DNAJC1: variants seen among roughly 807,000 people sequenced by gnomAD.
The protein encoded by DNAJC1 is DnaJ heat shock protein family (Hsp40) member C1, also known as dnaJ homolog subfamily C member 1.
Under a neutral mutation model 76.6 loss-of-function variants are expected in DNAJC1, and 58 were observed. That is an observed-to-expected ratio of 0.76 (90% CI 0.61 to 0.94). The LOEUF is 0.94. DNAJC1 is among the 40% of genes least tolerant of loss of function. DNAJC1 has a pLI of 0.00. For synonymous variants in DNAJC1, 258 were observed against 267.9 expected (o/e 0.96, Z 0.36); for missense variants, 689 against 677.3 (o/e 1.02, Z -0.19).
chr10:21,983,214 T>C (rs968105799), intron 1 of DNAJC1, among the ~76,000 whole-genome samples: 2 of 151,962 alleles, frequency 1.3e-5, no homozygotes, highest in African/African-American at 4.8e-5. Context: ...AACCTAAATG[T>C]CCAAAAATAG....
intron 8 of DNAJC1, among the ~76,000 whole-genome samples, chr10:21,857,850 G>A (rs929861109): frequency 4.6e-5 from 7 of 151,162 alleles, no homozygotes; most frequent in East Asian, 1.9e-4. Flanking sequence ...GCAAGGCTCC[G>A]TCTCAAAAAA....
At chr10:21,782,104 A>T (rs866360070) in intron 9 of DNAJC1, among the ~76,000 whole-genome samples, 1 of 152,154 alleles carries the variant, frequency 6.6e-6, no homozygotes, top group Non-Finnish European at 1.5e-5. Flanking sequence ...ATGAATCCAG[A>T]AGCTGGTTTT....
chr10:21,949,457 C>A (rs1355016268), intron 1 of DNAJC1, among the ~76,000 whole-genome samples: 1 of 126,662 alleles, frequency 7.9e-6, no homozygotes, highest in African/African-American at 3.0e-5. Context: ...CGCTTTGTTG[C>A]CCAGGCTAGA....
At chr10:21,780,059 G>C (rs992058210) in intron 9 of DNAJC1, among the ~76,000 whole-genome samples, 8 of 152,170 alleles carry the variant, frequency 5.3e-5, no homozygotes, top group Non-Finnish European at 1.5e-5. Flanking sequence ...AGAGTAAAAA[G>C]AAATGAACAA....
intron 8 of DNAJC1, among the ~76,000 whole-genome samples, chr10:21,862,533 A>T (rs1363726812): frequency 6.6e-6 from 1 of 151,138 alleles, no homozygotes; most frequent in Admixed American, 6.6e-5. Context: ...AGTTCAAGCA[A>T]TTCTCCTGCC....
At chr10:21,899,118 A>G (rs998780709) in intron 7 of DNAJC1, among the ~76,000 whole-genome samples, 1 of 152,190 alleles carries the variant, frequency 6.6e-6, no homozygotes, top group East Asian at 1.9e-4. Flanking sequence ...CTTCTCTCAC[A>G]TATCTATGCA....
chr10:21,991,739 A>G, intron 1 of DNAJC1, among the ~76,000 whole-genome samples: 1 of 152,244 alleles, frequency 6.6e-6, no homozygotes, highest in East Asian at 1.9e-4. Context: ...ATATTTAAGC[A>G]CTTAAAATGT....
At chr10:21,891,476 C>CAAAAAAAAAAAAAAAAAAAAAAAAA (rs369729722) in intron 7 of DNAJC1, among the ~76,000 whole-genome samples, 12 of 38,818 alleles carry the variant, frequency 3.1e-4, no homozygotes, top group East Asian at 7.7e-4. Flanking sequence ...ACAAAGTAGA[C>CAAAAAAAAAAAAAAAAAAAAAAAAA]AAAAAAAAAA....
intron 8 of DNAJC1, among the ~76,000 whole-genome samples, chr10:21,850,380 T>A (rs1835732834): frequency 6.6e-6 from 1 of 151,870 alleles, no homozygotes; most frequent in Non-Finnish European, 1.5e-5. Context: ...TGAAACAGAA[T>A]AAAATACTTA....
At chr10:21,789,196 C>G (rs1834650696) in intron 9 of DNAJC1, among the ~76,000 whole-genome samples, 1 of 152,172 alleles carries the variant, frequency 6.6e-6, no homozygotes, top group Non-Finnish European at 1.5e-5. Flanking sequence ...AATTAACAAC[C>G]TATGCTGCTG....
At chr10:22,002,156 G>A (rs1385784589) in intron 1 of DNAJC1, among the ~76,000 whole-genome samples, 1 of 152,182 alleles carries the variant, frequency 6.6e-6, no homozygotes, top group African/African-American at 2.4e-5. Context: ...AACCTATGGG[G>A]GAAGGGGATG....
chr10:21,794,485 CTA>C (rs933588451), intron 9 of DNAJC1, among the ~76,000 whole-genome samples: 5 of 151,958 alleles, frequency 3.3e-5, no homozygotes, highest in African/African-American at 1.2e-4. Flanking sequence ...CCAAATTGAT[CTA>C]TAGAGTCAAT....
chr10:21,962,384 T>A lies in DNAJC1; in HGVS notation c.223-33243A>T, dbSNP rs544159550. Among the ~76,000 whole-genome samples the A allele has an allele frequency of 3.3e-5, 5 of 150,456 alleles. No individual in the cohort carries two copies. In the East Asian group the frequency reaches 7.8e-4, roughly 23 times the overall value. ...CTTAAAGCTTCTTCAAAATTGGAGA[T>A]GGCTCTATTTTTACTCTAAACTCTA... is the stretch of plus-strand genomic sequence containing the variant. On this transcript the variant is annotated intron_variant, in intron 1 of 11. Transcript: ENST00000376980.
At chr10:22,003,164 C>T in intron 1 of DNAJC1, 49 bp downstream of exon 1, 3 of 1,441,292 alleles carry the variant, frequency 2.1e-6, no homozygotes, top group South Asian at 1.5e-5. Flanking sequence ...GGTCGCCTGA[C>T]GCCTGCCCTG....
chr10:21,912,929 G>A (rs1026287466), intron 6 of DNAJC1, among the ~76,000 whole-genome samples: 21 of 151,772 alleles, frequency 1.4e-4, no homozygotes, highest in African/African-American at 4.8e-4. Flanking sequence ...TGGGAGGGAG[G>A]ATGCTTCCAT....
chr10:21,865,127 A>C (rs1835977427), intron 8 of DNAJC1, among the ~76,000 whole-genome samples: 1 of 152,116 alleles, frequency 6.6e-6, no homozygotes, highest in South Asian at 2.1e-4. Flanking sequence ...GGAATGTAAA[A>C]ATCAACAGCT....
intron 11 of DNAJC1, among the ~76,000 whole-genome samples, chr10:21,758,038 C>T (rs1349574201): frequency 2.6e-5 from 4 of 152,138 alleles, no homozygotes; most frequent in African/African-American, 4.8e-5. Flanking sequence ...GCAAACCAGT[C>T]GGAGAGGCTG....
intron 8 of DNAJC1, among the ~76,000 whole-genome samples, chr10:21,811,444 C>T (rs1435270864): frequency 1.3e-5 from 2 of 152,294 alleles, no homozygotes; most frequent in East Asian, 3.9e-4. Flanking sequence ...AAACAACTGA[C>T]ACCCCTGCGT....
intron 1 of DNAJC1, among the ~76,000 whole-genome samples, chr10:21,978,823 C>CAGTA (rs1383601636): frequency 2.0e-5 from 3 of 151,976 alleles, no homozygotes; most frequent in African/African-American, 7.2e-5. Flanking sequence ...TCTGTAAATT[C>CAGTA]AGTAAGTGAT....
Sources: gnomAD v4.1 joint callset for allele counts (sites outside exome capture counted in the v4.1 genomes callset) on GRCh38, gnomAD v4.1.1 for gene constraint, MANE v1.5 for transcripts, NCBI Gene and HGNC (gene_info 2026-07-23, HGNC 2026-07-21) for gene names.